The following CALN1 variants were observed in gnomAD, a reference collection of about 807,000 sequenced individuals.
CALN1 encodes the protein calneuron 1, also known as calcium-binding protein 8.
In CALN1, 17 loss-of-function variants were observed where a neutral mutation model predicts 30.6. The ratio of observed to expected loss-of-function variants is 0.56; its 90% CI spans 0.38 to 0.83. The LOEUF (loss-of-function observed/expected upper bound fraction) is 0.83, where lower values mean the gene tolerates loss of function less well. Ranked by LOEUF, CALN1 falls within the 40% of genes least tolerant of loss-of-function variation. The pLI is 0.00. For synonymous variants in CALN1, 156 were observed against 131.4 expected, an observed-to-expected ratio of 1.19 and a Z score of -1.28; for missense variants, 291 against 354.9, an observed-to-expected ratio of 0.82 and a Z score of 1.45.
chr7:72,457,787 A>C, the CALN1 span, among the ~76,000 whole-genome samples: 4 of 140,358 alleles, frequency 2.8e-5, no homozygotes, highest in Admixed American at 7.4e-5. Context: ...ACAGGGTCTC[A>C]CTCTGTCACC....
At chr7:72,468,727 T>C in the CALN1 span, among the ~76,000 whole-genome samples, 1 of 152,208 alleles carries the variant, frequency 6.6e-6, no homozygotes, top group Admixed American at 6.5e-5. Flanking sequence ...TTGCCAACAC[T>C]TAAATTTTTT....
Position 72,230,792 on chromosome 7 carries a change from T to C in CALN1, c.244+47894A>G, listed in dbSNP as rs182637638. ...GTATTCTGTTAAGCCGCTAAGTTAG[T>C]GATAATTGGTTACAGCAACCACAGA... is the stretch of plus-strand genomic sequence containing the variant. On this transcript the variant is annotated intron_variant, in intron 3 of 6. Transcript: ENST00000395275. Among the ~76,000 whole-genome samples, 886 of 152,352 alleles carry C rather than the reference T, an allele frequency of 5.8e-3. 15 individuals are homozygous for C. The highest frequency in any genetic ancestry group is 0.02 in the African/African-American group (843 of 41,574).
At chr7:72,368,135 C>T (rs887795598) in intron 2 of CALN1, among the ~76,000 whole-genome samples, 11 of 151,290 alleles carry the variant, frequency 7.3e-5, no homozygotes, top group Non-Finnish European at 1.0e-4. Context: ...AAATACATAT[C>T]TGTATCTATA....
intron 3 of CALN1, among the ~76,000 whole-genome samples, chr7:72,125,967 T>C (rs1563079838): frequency 6.6e-6 from 1 of 151,904 alleles, no homozygotes; most frequent in Non-Finnish European, 1.5e-5. Flanking sequence ...GCCCAGCTAA[T>C]TTTTTGTATC....
chr7:71,902,489 C>A (rs1324119740), intron 5 of CALN1, among the ~76,000 whole-genome samples: 1 of 151,854 alleles, frequency 6.6e-6, no homozygotes, highest in Admixed American at 6.6e-5. Flanking sequence ...AATAGAGAAC[C>A]CAAAAATAAA....
At chr7:72,407,313 C>A (rs551091870) in intron 1 of CALN1, among the ~76,000 whole-genome samples, 1 of 152,310 alleles carries the variant, frequency 6.6e-6, no homozygotes, top group Non-Finnish European at 1.5e-5. Flanking sequence ...AGGCACAGAG[C>A]AGGTGCTACA....
the CALN1 span, among the ~76,000 whole-genome samples, chr7:72,459,115 G>T: frequency 6.6e-6 from 1 of 151,694 alleles, no homozygotes; most frequent in African/African-American, 2.4e-5. Flanking sequence ...TGTTGGCCAG[G>T]CTGGTCTCAA....
chr7:72,113,525 T>C (rs567460252), intron 3 of CALN1, among the ~76,000 whole-genome samples: 122 of 152,334 alleles, frequency 8.0e-4, no homozygotes, highest in Non-Finnish European at 1.5e-3. Context: ...ACAGGCAATA[T>C]TGCAATGGGC....
chr7:72,101,801 G>A (rs1473890490), intron 4 of CALN1, among the ~76,000 whole-genome samples: 3 of 152,044 alleles, frequency 2.0e-5, no homozygotes, highest in Non-Finnish European at 4.4e-5. Flanking sequence ...TTGCTTCTTG[G>A]TGTATATCTA....
At chr7:72,326,591 CAG>C in intron 2 of CALN1, among the ~76,000 whole-genome samples, 1 of 152,314 alleles carries the variant, frequency 6.6e-6, no homozygotes, top group Non-Finnish European at 1.5e-5. Context: ...GTGTTCAGTA[CAG>C]ATGTTTGAGG....
At chr7:72,141,849 G>T (rs1809964281) in intron 3 of CALN1, among the ~76,000 whole-genome samples, 1 of 152,140 alleles carries the variant, frequency 6.6e-6, no homozygotes, top group Non-Finnish European at 1.5e-5. Context: ...GATTACAGGT[G>T]TGAGTCACTG....
intron 3 of CALN1, among the ~76,000 whole-genome samples, chr7:72,229,119 A>G (rs1585216845): frequency 6.6e-6 from 1 of 151,816 alleles, no homozygotes; most frequent in Non-Finnish European, 1.5e-5. Flanking sequence ...GGGAAAAGGG[A>G]AAAACGAACA....
intron 5 of CALN1, among the ~76,000 whole-genome samples, chr7:71,931,494 T>A (rs1258755530): frequency 2.6e-5 from 4 of 151,524 alleles, no homozygotes; most frequent in Admixed American, 1.3e-4. Flanking sequence ...CTTGAACTCC[T>A]GAGCTCAAGT....
At position 72,407,869 on chromosome 7, in the gene CALN1, C is replaced by CA. The variant is rs1446450687; in HGVS notation, c.-74+4188dup. Among the ~76,000 whole-genome samples, 13 of 152,228 alleles carry CA rather than the reference C, an allele frequency of 8.5e-5. No homozygotes were observed. The South Asian group carries it at 2.1e-3, about 24-fold the overall frequency. Reference sequence around the variant, plus strand: ...ACCACAGATGTAGCCTCACGGAGCTCAGAGAGTCAAGCTGGAAACTCAGAC... The same window carrying CA: ...ACCACAGATGTAGCCTCACGGAGCTCAAGAGAGTCAAGCTGGAAACTCAGAC... On this transcript the variant is annotated intron_variant, in intron 1 of 6. Transcript: ENST00000395275.
At chr7:72,408,675 C>CTTTTTTCT (rs1806879874) in intron 1 of CALN1, among the ~76,000 whole-genome samples, 1 of 77,966 alleles carries the variant, frequency 1.3e-5, no homozygotes. Context: ...TTATCTTTTC[C>CTTTTTTCT]TTTTTTTTTT....
At chr7:72,079,761 CTTTTTTTTTTTTTTTT>C (rs3065015) in intron 4 of CALN1, among the ~76,000 whole-genome samples, 2 of 104,046 alleles carry the variant, frequency 1.9e-5, no homozygotes, top group East Asian at 2.5e-4. Context: ...TGCCTTTTTC[CTTTTTTTTTTTTTTTT>C]TTTTTTTTTT....
chr7:72,446,714 G>A (rs752673156), intron 1 of CALN1, among the ~76,000 whole-genome samples: 1 of 152,070 alleles, frequency 6.6e-6, no homozygotes, highest in Non-Finnish European at 1.5e-5. Flanking sequence ...GAAAGGACCC[G>A]GCCGGGAGGA....
intron 5 of CALN1, among the ~76,000 whole-genome samples, chr7:71,857,012 A>ATGTATGTGTGTGTGTG (rs1554357056): frequency 2.4e-5 from 3 of 123,054 alleles, no homozygotes; most frequent in African/African-American, 1.1e-4. Flanking sequence ...TGGTGTGTAT[A>ATGTATGTGTGTGTGTG]TGTATGTGTG....
chr7:72,136,240 G>C (rs1585014713), intron 3 of CALN1, among the ~76,000 whole-genome samples: 1 of 152,044 alleles, frequency 6.6e-6, no homozygotes, highest in East Asian at 1.9e-4. Context: ...TTCTTAACTG[G>C]AACTTCTTGA....
Sources: allele counts gnomAD v4.1 joint callset (sites outside exome capture counted in the v4.1 genomes callset), GRCh38; gene constraint gnomAD v4.1.1; transcripts MANE v1.5; gene names NCBI Gene and HGNC (gene_info 2026-07-23, HGNC 2026-07-21).